KCNJ6: variants seen among roughly 807,000 people sequenced by gnomAD.
KCNJ6 encodes potassium inwardly rectifying channel subfamily J member 6, also known as G protein-activated inward rectifier potassium channel 2.
In KCNJ6, 9 loss-of-function variants were observed where a neutral mutation model predicts 34.2. The observed-to-expected ratio is 0.26, with a 90% CI of 0.16 to 0.46. KCNJ6 has a LOEUF of 0.46. KCNJ6 is among the 20% of genes least tolerant of loss of function. KCNJ6 has a pLI of 1.00. For missense variants in KCNJ6, 236 were observed against 531.3 expected, an observed-to-expected ratio of 0.44 and a Z score of 5.46; for synonymous variants, 196 against 207.1, an observed-to-expected ratio of 0.95 and a Z score of 0.46.
At chr21:37,749,666 G>T (rs2123482138) in intron 2 of KCNJ6, among the ~76,000 whole-genome samples, 1 of 152,340 alleles carries the variant, frequency 6.6e-6, no homozygotes. Flanking sequence ...CAAGGAGCTA[G>T]GAAAGTTATG....
chr21:37,915,432 C>G (rs2055888541), intron 1 of KCNJ6, among the ~76,000 whole-genome samples: 1 of 152,172 alleles, frequency 6.6e-6, no homozygotes, highest in African/African-American at 2.4e-5. Flanking sequence ...TCCTCCCTTT[C>G]GTGTTGTCTC....
At chr21:37,643,411 T>A (rs138876692) in intron 3 of KCNJ6, among the ~76,000 whole-genome samples, 90 of 152,130 alleles carry the variant, frequency 5.9e-4, no homozygotes, top group African/African-American at 2.0e-3. Flanking sequence ...TAAGAGTGAG[T>A]GCAGTGGTTT....
intron 2 of KCNJ6, 42 bp downstream of exon 2, chr21:37,840,616 C>A: frequency 6.9e-7 from 1 of 1,455,646 alleles, no homozygotes; most frequent in South Asian, 1.2e-5. Context: ...TGCATTTTCC[C>A]ATTCAAAACA....
chr21:37,660,308 G>T (rs1472890092), intron 3 of KCNJ6, among the ~76,000 whole-genome samples: 1 of 152,230 alleles, frequency 6.6e-6, no homozygotes, highest in Admixed American at 6.5e-5. Context: ...AGACAAAGGG[G>T]CGAGAGATAA....
rs1430185515 is a variant in KCNJ6, at chr21:37,617,048, C to CTTTCTTTCTTTCTTTCTTTCT, written c.*8110_*8111insAGAAAGAAAGAAAGAAAGAAA. 1.7e-4 allele frequency: 12 copies of CTTTCTTTCTTTCTTTCTTTCT among 70,128 alleles called. No homozygotes were observed. The highest frequency in any genetic ancestry group is 5.1e-4 in the Admixed American group (3 of 5,862). The allele number at this position is 70,128 out of a possible 1,614,324, so 4.3% of individuals were successfully genotyped here. ...TCTTTCTTTCTTTCTTTCTTTCTTT[C>CTTTCTTTCTTTCTTTCTTTCT]TTTCTTTTCTTTTCTTTTCTTTTCT... On this transcript the variant is annotated 3_prime_UTR_variant, in exon 4 of 4. Coordinates refer to ENST00000609713, the MANE Select transcript of KCNJ6 (RefSeq NM_002240.5).
chr21:37,680,775 CTG>C (rs1601416621), intron 3 of KCNJ6, among the ~76,000 whole-genome samples: 2 of 152,224 alleles, frequency 1.3e-5, no homozygotes, highest in Admixed American at 6.5e-5. Flanking sequence ...GCCTCCATAA[CTG>C]TGTGAGCCAA....
chr21:37,660,053 C>T (rs1353834321), intron 3 of KCNJ6, among the ~76,000 whole-genome samples: 1 of 152,242 alleles, frequency 6.6e-6, no homozygotes, highest in African/African-American at 2.4e-5. Flanking sequence ...AGGGAGGCTG[C>T]CCTGGGGCAG....
chr21:37,625,397 C>T lies in KCNJ6; in HGVS notation c.1034G>A (p.Gly345Glu). ...GCTGTTGTAGTCAACTTCGTAGAAC[C>T]CGTCCTCCAGGGTCAGGACAGGTGT... Reference protein sequence around the residue: ...RFTPVLTLEDGFYEVDYNSFH... With the variant: ...RFTPVLTLEDEFYEVDYNSFH... Residue 345 changes from glycine to glutamate, a missense_variant, in exon 4 of 4, where the codon GGG (glycine) becomes GAG (glutamate). Transcript: ENST00000609713. 6.2e-7 allele frequency: 1 copy of T among 1,614,162 alleles called. No individual in the cohort carries two copies. Among genetic ancestry groups the T allele is most frequent in the Non-Finnish European group, 8.5e-7 (1 of 1,179,982 alleles).
chr21:37,684,613 A>G (rs2054605181), intron 3 of KCNJ6, among the ~76,000 whole-genome samples: 1 of 152,232 alleles, frequency 6.6e-6, no homozygotes, highest in Non-Finnish European at 1.5e-5. Context: ...TAGGAATATT[A>G]TTTGGAAACC....
chr21:37,848,708 G>T lies in KCNJ6; in HGVS notation c.-27-7999C>A, dbSNP rs571007597. ...GGGCTTCAGCGTGAGTTCGTAGATG[G>T]CAGGAGAGTATTTGGAGCATTGCTC... On this transcript the variant is annotated intron_variant, in intron 1 of 3. Transcript: ENST00000609713. Among the ~76,000 whole-genome samples the T allele has an allele frequency of 5.9e-5, 9 of 152,316 alleles. No homozygotes were observed. In the South Asian group the frequency reaches 1.7e-3, roughly 28 times the overall value.
In KCNJ6 at chr21:37,760,088, C is replaced by T. The variant is rs1470960143; in HGVS notation, c.26-44957G>A. Among the ~76,000 whole-genome samples, 9 of 152,288 alleles carry T rather than the reference C, an allele frequency of 5.9e-5. 1 individual carries two copies. The highest frequency in any genetic ancestry group is 3.4e-3 in the Middle Eastern group (1 of 294). On this transcript the variant is annotated intron_variant, in intron 2 of 3. Transcript: ENST00000609713. ...GCTTTAGAAGTTGACTCAGCCCAGT[C>T]GAGCCTTCAGATAACTGCAGACCCA...
intron 3 of KCNJ6, among the ~76,000 whole-genome samples, chr21:37,694,241 G>A (rs753475244): frequency 2.0e-5 from 3 of 152,156 alleles, no homozygotes; most frequent in Admixed American, 6.5e-5. Context: ...CCCATGGATG[G>A]CCGGCTGTGT....
intron 2 of KCNJ6, among the ~76,000 whole-genome samples, chr21:37,720,724 G>A (rs1220934310): frequency 2.7e-4 from 40 of 146,480 alleles, no homozygotes; most frequent in Middle Eastern, 3.4e-3. Context: ...TTTTTGAGAC[G>A]GAGTCTCGCT....
At chr21:37,805,032 T>C (rs998088229) in intron 2 of KCNJ6, among the ~76,000 whole-genome samples, 58 of 152,184 alleles carry the variant, frequency 3.8e-4, no homozygotes, top group Admixed American at 1.4e-3. Flanking sequence ...GACCATCTAT[T>C]GTGCAAGTCT....
At chr21:37,653,051 C>G (rs1222400792) in intron 3 of KCNJ6, among the ~76,000 whole-genome samples, 3 of 152,098 alleles carry the variant, frequency 2.0e-5, no homozygotes, top group African/African-American at 7.2e-5. Flanking sequence ...TGCTCATCTG[C>G]CCGTGTGTGT....
chr21:37,820,420 G>A (rs909122645), intron 2 of KCNJ6, among the ~76,000 whole-genome samples: 1 of 152,192 alleles, frequency 6.6e-6, no homozygotes, highest in Non-Finnish European at 1.5e-5. Context: ...ACCACCTGGA[G>A]TTAGACTTCA....
Position 37,618,332 on chromosome 21 carries a change from G to C in KCNJ6, c.*6827C>G, listed in dbSNP as rs1174062722. ...CCATAAGGCATTCAGCCTGGACTAGGCTCTTTGTAGCCAAAAGTCTGCTCC... is the reference window on the plus strand; with the variant it reads ...CCATAAGGCATTCAGCCTGGACTAGCCTCTTTGTAGCCAAAAGTCTGCTCC... On this transcript the variant is annotated 3_prime_UTR_variant, in exon 4 of 4. Transcript: ENST00000609713. 3 of 152,180 alleles carry C rather than the reference G, an allele frequency of 2.0e-5. No individual in the cohort carries two copies. Among genetic ancestry groups the C allele is most frequent in the Non-Finnish European group, 4.4e-5 (3 of 68,026 alleles). 9.4% of individuals were successfully genotyped at this position (152,180 alleles called of 1,614,324 possible). A position where few individuals can be genotyped will look rare whatever the true frequency, so the allele number is the denominator to read the frequency against.
intron 2 of KCNJ6, among the ~76,000 whole-genome samples, chr21:37,752,503 C>T (rs570981521): frequency 1.3e-5 from 2 of 152,070 alleles, no homozygotes; most frequent in African/African-American, 4.8e-5. Context: ...AGAGGGAAGG[C>T]ATTAAGCAGA....
chr21:37,856,763 T>TAA (rs1342376657), intron 1 of KCNJ6, among the ~76,000 whole-genome samples: 1 of 152,124 alleles, frequency 6.6e-6, no homozygotes, highest in African/African-American at 2.4e-5. Flanking sequence ...TAAAAAAAGA[T>TAA]AAAAAATCAG....
Sources: allele counts gnomAD v4.1 joint callset (sites outside exome capture counted in the v4.1 genomes callset), GRCh38; gene constraint gnomAD v4.1.1; transcripts MANE v1.5; gene names NCBI Gene and HGNC (gene_info 2026-07-23, HGNC 2026-07-21).